PCDHGA10: variants seen among roughly 807,000 people sequenced by gnomAD.
PCDHGA10 encodes protocadherin gamma-A10.
Under a neutral mutation model 59.5 loss-of-function variants are expected in PCDHGA10, and 42 were observed. That is an observed-to-expected ratio of 0.71 (90% CI 0.55 to 0.91). The LOEUF is 0.91. PCDHGA10 is among the 40% of genes least tolerant of loss of function. PCDHGA10 has a pLI of 0.00. For synonymous variants in PCDHGA10, 511 were observed against 517.2 expected (o/e 0.99, Z 0.16); for missense variants, 1,111 against 1,198.2 (o/e 0.93, Z 1.07).
intron 1 of PCDHGA10, chr5:141,418,778 T>C (rs1256260275): frequency 6.2e-7 from 1 of 1,613,744 alleles, no homozygotes; most frequent in Non-Finnish European, 8.5e-7. Context: ...TCAGCAGCCT[T>C]TGGATTTTGA....
intron 1 of PCDHGA10, among the ~76,000 whole-genome samples, chr5:141,479,837 G>A (rs563513895): frequency 3.9e-5 from 6 of 152,338 alleles, no homozygotes; most frequent in Non-Finnish European, 8.8e-5. Flanking sequence ...TGGTATCCAT[G>A]CAAGGTGACT....
rs188066304 is a variant in PCDHGA10, at chr5:141,450,907, C to T, written c.2436+35296C>T. On this transcript the variant is annotated intron_variant, in intron 1 of 3. Coordinates refer to ENST00000398610, the MANE Select transcript of PCDHGA10 (RefSeq NM_018913.3). ...TGGTGCGATATCGGCTCACTGCAAC[C>T]GCTGCCTCCCAGATTCAAGCAATTC... is the stretch of plus-strand genomic sequence containing the variant. 6.7e-3 allele frequency among the ~76,000 whole-genome samples: 1,004 copies of T among 150,024 alleles called. 12 individuals carry two copies. The highest frequency in any genetic ancestry group is 0.024 in the African/African-American group (970 of 40,702).
intron 1 of PCDHGA10, among the ~76,000 whole-genome samples, 184 bp from the exon 2 acceptor site, chr5:141,494,623 C>A (rs2099755716): frequency 6.6e-6 from 1 of 152,146 alleles, no homozygotes; most frequent in Non-Finnish European, 1.5e-5. Flanking sequence ...GTTTCTGGTA[C>A]CTCAGACCTC....
intron 1 of PCDHGA10, among the ~76,000 whole-genome samples, chr5:141,429,386 T>TA (rs1561841076): frequency 9.9e-5 from 15 of 151,936 alleles, no homozygotes; most frequent in South Asian, 8.3e-4. Flanking sequence ...TGTTTTTTTT[T>TA]TAAAAAAAAT....
chr5:141,452,364 A>G (rs1330623001), intron 1 of PCDHGA10, among the ~76,000 whole-genome samples: 1 of 152,188 alleles, frequency 6.6e-6, no homozygotes, highest in African/African-American at 2.4e-5. Flanking sequence ...GCCTTGCTTC[A>G]TTTTAGTAGG....
intron 1 of PCDHGA10, among the ~76,000 whole-genome samples, chr5:141,465,063 C>T (rs187265709): frequency 8.5e-4 from 129 of 151,534 alleles, no homozygotes; most frequent in South Asian, 1.3e-3. Context: ...TTTGAATTGT[C>T]TGTTCATGTC....
intron 1 of PCDHGA10, among the ~76,000 whole-genome samples, chr5:141,459,747 A>G (rs553965181): frequency 3.2e-4 from 48 of 152,318 alleles, no homozygotes; most frequent in African/African-American, 1.1e-3. Flanking sequence ...AATTTTAGCA[A>G]TTCTAGTGGG....
Position 141,483,506 on chromosome 5 carries a change from T to A in PCDHGA10, c.2437-11301T>A, listed in dbSNP as rs964063329. ...AGGGACAGGGATGAGTCAAGGCTGA[T>A]CCCCCTAGATCCTGACTAAGGAAGC... On this transcript the variant is annotated intron_variant, in intron 1 of 3. Coordinates refer to ENST00000398610, the MANE Select transcript of PCDHGA10 (RefSeq NM_018913.3). Among the ~76,000 whole-genome samples the A allele has an allele frequency of 2.7e-5, 4 of 148,396 alleles. No individual in the cohort carries two copies. In the South Asian group the frequency reaches 8.5e-4, roughly 32 times the overall value.
At position 141,414,036 on chromosome 5, in the gene PCDHGA10, A is replaced by G; in HGVS notation, c.861A>G (p.Lys287=). 1 of 1,612,018 alleles carries G rather than the reference A, an allele frequency of 6.2e-7. No homozygotes were observed. The highest frequency in any genetic ancestry group is 1.1e-5 in the South Asian group (1 of 90,798). The change falls in exon 1 of 4, where the codon AAA becomes AAG. Residue 287 remains lysine (K), a synonymous_variant. Coordinates refer to ENST00000398610, the MANE Select transcript of PCDHGA10 (RefSeq NM_018913.3). ...ANGEVTYSFR[K]LPDTQLLKFQ... ...GAGAAGTGACATATTCATTCCGAAA[A>G]TTACCTGACACGCAATTGTTGAAGT...
intron 1 of PCDHGA10, among the ~76,000 whole-genome samples, chr5:141,460,120 A>C (rs1404213559): frequency 1.3e-5 from 2 of 151,956 alleles, no homozygotes; most frequent in Non-Finnish European, 2.9e-5. Flanking sequence ...ATTTTTATAT[A>C]TGTAATATAT....
intron 1 of PCDHGA10, among the ~76,000 whole-genome samples, chr5:141,474,311 G>T (rs1374954373): frequency 1.3e-5 from 2 of 152,134 alleles, no homozygotes. Context: ...AAACTTTAAT[G>T]TGTTTTCAAA....
chr5:141,427,150 T>C (rs570999921), intron 1 of PCDHGA10: 6 of 456,866 alleles, frequency 1.3e-5, no homozygotes, highest in African/African-American at 4.0e-5. Flanking sequence ...ATTGGAAATA[T>C]GTTTGTGCTA....
intron 1 of PCDHGA10, among the ~76,000 whole-genome samples, chr5:141,473,195 C>T (rs1053769499): frequency 6.6e-6 from 1 of 152,104 alleles, no homozygotes; most frequent in African/African-American, 2.4e-5. Flanking sequence ...GTAAATGTAT[C>T]TTCTAAAAAA....
intron 2 of PCDHGA10, among the ~76,000 whole-genome samples, chr5:141,498,971 G>GGGAAGGAAGGAAGGAAGGAAGGAAGGAA (rs201769957): frequency 9.0e-6 from 1 of 110,972 alleles, no homozygotes; most frequent in Non-Finnish European, 1.8e-5. Flanking sequence ...GAGGGAGGGA[G>GGGAAGGAAGGAAGGAAGGAAGGAAGGAA]GGAAGGAAGG....
At position 141,487,100 on chromosome 5, in the gene PCDHGA10, C is replaced by T. The variant is rs183291629; in HGVS notation, c.2437-7707C>T. On this transcript the variant is annotated intron_variant, in intron 1 of 3. Coordinates refer to ENST00000398610, the MANE Select transcript of PCDHGA10 (RefSeq NM_018913.3). The surrounding 1 kb of genome is among the most constrained non-coding windows in gnomAD (Gnocchi z 5.0). ...CCCAGCTGACCTCCCACCACAGAAG[C>T]TGGTCATTGTGGTAAAGGATAGTGG... The T allele has an allele frequency of 5.6e-4, 909 of 1,614,074 alleles. 2 individuals carry two copies. Among genetic ancestry groups the T allele is most frequent in the Non-Finnish European group, 1.4e-4 (168 of 1,179,960 alleles).
rs753358324 is a variant in PCDHGA10, at chr5:141,487,328, G to A, written c.2437-7479G>A. On this transcript the variant is annotated intron_variant, in intron 1 of 3. Transcript: ENST00000398610. This position sits in a 1 kb window ranked among gnomAD's most constrained non-coding sequence, Gnocchi z 5.0. ...ACTACTCTCTAAGTGTCTTCGTGGG[G>A]CAGCCTGTGGAGTCACATGCTTTCC... 1.2e-6 allele frequency: 2 copies of A among 1,613,962 alleles called. No individual in the cohort carries two copies. The highest frequency in any genetic ancestry group is 2.2e-5 in the East Asian group (1 of 44,874).
In PCDHGA10 at chr5:141,430,720, T is replaced by C. The variant is rs369549088; in HGVS notation, c.2436+15109T>C. On this transcript the variant is annotated intron_variant, in intron 1 of 3. Transcript: ENST00000398610. ...AAGGAACTGCTCCTGACTTCAGTGG[T>C]TAAGGGCAGAATTGAAAATAATTCT... The C allele has an allele frequency of 4.9e-4, 734 of 1,486,386 alleles. 1 individual carries two copies. Among genetic ancestry groups the C allele is most frequent in the Middle Eastern group, 9.1e-4 (5 of 5,506 alleles). The allele number at this position is 1,486,386 out of a possible 1,614,324, so 92.1% of individuals were successfully genotyped here.
intron 1 of PCDHGA10, among the ~76,000 whole-genome samples, chr5:141,425,318 G>A (rs1304835508): frequency 1.3e-5 from 2 of 152,158 alleles, no homozygotes; most frequent in Non-Finnish European, 2.9e-5. Context: ...TCCCAAGATC[G>A]TGGAGAACAA....
At chr5:141,474,133 C>T (rs35162249) in intron 1 of PCDHGA10, among the ~76,000 whole-genome samples, 9,247 of 152,260 alleles carry the variant, frequency 0.061, 334 homozygotes, top group South Asian at 0.12. Flanking sequence ...CAGAAAACTA[C>T]AGGCCTTATT....
Sources: allele counts gnomAD v4.1 joint callset (sites outside exome capture counted in the v4.1 genomes callset), GRCh38; gene constraint gnomAD v4.1.1; non-coding constraint Gnocchi (gnomAD v3.1); transcripts MANE v1.5; gene names NCBI Gene and HGNC (gene_info 2026-07-23, HGNC 2026-07-21).